NUP37: variants seen among roughly 807,000 people sequenced by gnomAD.
The protein encoded by NUP37 is nucleoporin 37, also known as nucleoporin Nup37.
NUP37 carries 33 observed loss-of-function variants against 45.4 expected under a neutral mutation model. The observed-to-expected ratio is 0.73, with a 90% confidence interval of 0.55 to 0.97. The LOEUF is 0.97. Ranked by LOEUF, NUP37 falls within the 50% of genes least tolerant of loss-of-function variation. NUP37 has a pLI of 0.00. For synonymous variants in NUP37, 127 were observed against 130.7 expected (o/e 0.97, Z 0.19); for missense variants, 365 against 389.7 (o/e 0.94, Z 0.53).
intron 5 of NUP37, among the ~76,000 whole-genome samples, chr12:102,090,075 C>T (rs2136726720): frequency 6.6e-6 from 1 of 152,278 alleles, no homozygotes. Flanking sequence ...TCCAAGTTGG[C>T]TGCACCTCAT....
rs1258319479 is a variant in NUP37 at position 102,103,650 on chromosome 12, A to G, written c.282-2546T>C. Among the ~76,000 whole-genome samples the G allele has an allele frequency of 4.6e-5, 7 of 152,124 alleles. No homozygotes were observed. The South Asian group carries it at 1.5e-3, about 32-fold the overall frequency. On this transcript the variant is annotated intron_variant, in intron 3 of 9. Coordinates refer to ENST00000552283, the MANE Select transcript of NUP37 (RefSeq NM_024057.4). Reference sequence around the variant, plus strand: ...AAAATACTAGCAAACTGTATTCAAGAGTACATTAAAAAGATCATTCACCAT... The same window carrying G: ...AAAATACTAGCAAACTGTATTCAAGGGTACATTAAAAAGATCATTCACCAT...
chr12:102,114,897 T>C (rs1206722205), intron 2 of NUP37, among the ~76,000 whole-genome samples: 1 of 152,226 alleles, frequency 6.6e-6, no homozygotes, highest in Admixed American at 6.5e-5. Context: ...TGTTTCCATG[T>C]AAATTCTACT....
rs1879205696 is a variant in NUP37 at position 102,077,474 on chromosome 12, G to T, written c.570C>A (p.Ile190=). The change falls in exon 7 of 10, where the codon ATC becomes ATA. Residue 190 remains isoleucine (I), a synonymous_variant. Coordinates refer to ENST00000552283, the MANE Select transcript of NUP37 (RefSeq NM_024057.4). ...GTTGGGCCAAAAGATCATAAAACCG[G>T]ATTGTTCCATTCTTCTCTGCAACCA... ...KLMVAEKNGT[I]RFYDLLAQQA... 1 of 1,613,522 alleles carries T rather than the reference G, an allele frequency of 6.2e-7. No individual in the cohort carries two copies. The highest frequency in any genetic ancestry group is 8.5e-7 in the Non-Finnish European group (1 of 1,179,982).
chr12:102,118,105 T>G (rs141971008), intron 2 of NUP37, among the ~76,000 whole-genome samples: 1 of 152,240 alleles, frequency 6.6e-6, no homozygotes, highest in Non-Finnish European at 1.5e-5. Context: ...CAGTTAATCA[T>G]AGCCTTCACT....
At chr12:102,108,551 C>T (rs1442322961) in intron 3 of NUP37, among the ~76,000 whole-genome samples, 2 of 152,162 alleles carry the variant, frequency 1.3e-5, no homozygotes, top group African/African-American at 4.8e-5. Context: ...ATAAACTCCC[C>T]TTCATATATA....
chr12:102,102,350 T>C (rs1049740842), intron 3 of NUP37, among the ~76,000 whole-genome samples: 4 of 152,180 alleles, frequency 2.6e-5, no homozygotes, highest in African/African-American at 9.7e-5. Flanking sequence ...TGATTCTTTG[T>C]CCAAGGTCTT....
intron 6 of NUP37, among the ~76,000 whole-genome samples, chr12:102,080,658 C>G (rs928139027): frequency 6.6e-6 from 1 of 152,124 alleles, no homozygotes; most frequent in Non-Finnish European, 1.5e-5. Flanking sequence ...AAGTGATTCA[C>G]GTAACTTGTA....
At chr12:102,094,971 G>C (rs1393286196) in intron 5 of NUP37, among the ~76,000 whole-genome samples, 1 of 151,956 alleles carries the variant, frequency 6.6e-6, no homozygotes, top group East Asian at 1.9e-4. Flanking sequence ...AGGAGGGATG[G>C]GATTTACTAC....
chr12:102,099,597 T>C (rs1210613269), intron 4 of NUP37, among the ~76,000 whole-genome samples: 2 of 152,234 alleles, frequency 1.3e-5, no homozygotes, highest in East Asian at 3.8e-4. Context: ...TTTTACATTA[T>C]ATCTGCTGTT....
intron 7 of NUP37, chr12:102,077,059 G>A (rs1304044883): frequency 6.6e-6 from 4 of 608,560 alleles, no homozygotes; most frequent in Admixed American, 3.0e-5. Context: ...CAGGGTCAGT[G>A]TTTTTCTTAT....
At position 102,085,885 on chromosome 12, in the gene NUP37, AT is replaced by A. The variant is rs57673363; in HGVS notation, c.450-30del. On this transcript the variant is annotated intron_variant, in intron 5 of 9. Transcript: ENST00000552283. ...ATAAAAGAATAACAGTATAATGTTA[AT>A]TGTTCTTGATATATCATTACTAAAA... 1.5e-3 allele frequency: 1,638 copies of A among 1,068,986 alleles called. 21 individuals are homozygous for A. In the East Asian group the frequency reaches 0.022, roughly 14 times the overall value. The allele number at this position is 1,068,986 out of a possible 1,614,324, so 66.2% of individuals were successfully genotyped here. A position where few individuals can be genotyped will look rare whatever the true frequency, so the allele number is the denominator to read the frequency against.
intron 3 of NUP37, among the ~76,000 whole-genome samples, chr12:102,107,494 G>A (rs983510255): frequency 6.6e-6 from 1 of 152,140 alleles, no homozygotes; most frequent in Non-Finnish European, 1.5e-5. Flanking sequence ...GAAGAAATAC[G>A]TGTCGGCTGT....
At chr12:102,093,513 T>C (rs1879717722) in intron 5 of NUP37, among the ~76,000 whole-genome samples, 1 of 152,098 alleles carries the variant, frequency 6.6e-6, no homozygotes, top group South Asian at 2.1e-4. Flanking sequence ...AGAAATACCA[T>C]ATGGTAGTTT....
intron 6 of NUP37, among the ~76,000 whole-genome samples, chr12:102,078,492 G>C (rs1879246088): frequency 6.6e-6 from 1 of 152,158 alleles, no homozygotes; most frequent in Admixed American, 6.5e-5. Flanking sequence ...TCTCAAGAGA[G>C]ACAGACATTT....
At chr12:102,109,667 T>C (rs80065536) in intron 3 of NUP37, among the ~76,000 whole-genome samples, 148 of 152,282 alleles carry the variant, frequency 9.7e-4, no homozygotes, top group African/African-American at 3.5e-3. Flanking sequence ...ATTTGTATAG[T>C]TCCAAAAAGG....
At chr12:102,087,151 A>C (rs1879495247) in intron 5 of NUP37, among the ~76,000 whole-genome samples, 1 of 152,126 alleles carries the variant, frequency 6.6e-6, no homozygotes, top group Non-Finnish European at 1.5e-5. Context: ...ATTCATTGGA[A>C]TTTTTCTTCT....
At chr12:102,106,099 G>A (rs1351850505) in intron 3 of NUP37, among the ~76,000 whole-genome samples, 3 of 152,036 alleles carry the variant, frequency 2.0e-5, no homozygotes. Flanking sequence ...CATCAACAAG[G>A]CAAAGAAAGT....
chr12:102,079,834 AAAT>A (rs1879281342), intron 6 of NUP37, among the ~76,000 whole-genome samples: 1 of 152,210 alleles, frequency 6.6e-6, no homozygotes, highest in Non-Finnish European at 1.5e-5. Context: ...ATGAAAGCTA[AAAT>A]AAGAAGCCAG....
At chr12:102,114,398 T>C (rs374554481) in intron 2 of NUP37, among the ~76,000 whole-genome samples, 27 of 152,316 alleles carry the variant, frequency 1.8e-4, no homozygotes, top group African/African-American at 5.3e-4. Context: ...CAGTGAAACC[T>C]GTTTTCCTGG....
Sources: gnomAD v4.1 joint callset for allele counts (sites outside exome capture counted in the v4.1 genomes callset) on GRCh38, gnomAD v4.1.1 for gene constraint, MANE v1.5 for transcripts, NCBI Gene and HGNC (gene_info 2026-07-23, HGNC 2026-07-21) for gene names.